The following ZNF518A variants were observed in gnomAD, a reference collection of about 807,000 sequenced individuals.
ZNF518A encodes the protein zinc finger protein 518.
ZNF518A carries 47 observed loss-of-function variants against 102.7 expected under a neutral mutation model. That is an observed-to-expected ratio of 0.46 (90% CI 0.36 to 0.58). The LOEUF (loss-of-function observed/expected upper bound fraction) is 0.58. Ranked by LOEUF, ZNF518A falls within the 20% of genes least tolerant of loss-of-function variation. The probability of loss-of-function intolerance (pLI) is 0.00; values close to 1 mark genes in which losing one functional copy is unlikely to be tolerated. For synonymous variants in ZNF518A, 652 were observed against 594.6 expected (o/e 1.10, Z -1.40); for missense variants, 1,793 against 1,699.8 (o/e 1.05, Z -0.96).
chr10:96,200,952 A>G lies in ZNF518A; in HGVS notation n.36-2622A>G, dbSNP rs1018374824. ...TCTTTCCTGCAGTTTCCTGGTAACA[A>G]TTTAGTGACATCAAGAGTTCATTTC... On this transcript the variant is annotated intron_variant and non_coding_transcript_variant, in intron 1 of 2. Coordinates refer to the ZNF518A transcript ENST00000442635. The surrounding 1 kb of genome is among the most constrained non-coding windows in gnomAD (Gnocchi z 4.3). The G allele has an allele frequency of 1.3e-6, 2 of 1,596,086 alleles. No individual in the cohort carries two copies. Among genetic ancestry groups the G allele is most frequent in the African/African-American group, 1.3e-5 (1 of 74,620 alleles).
intron 3 of ZNF518A, chr10:96,151,623 T>A (rs781871562): frequency 1.3e-5 from 2 of 152,224 alleles, no homozygotes; most frequent in Non-Finnish European, 2.9e-5. Context: ...TACTTGGGCA[T>A]AATGGGCAGA....
At chr10:96,179,502 ACT>A (rs1191539817) in intron 1 of ZNF518A, among the ~76,000 whole-genome samples, 1 of 152,130 alleles carries the variant, frequency 6.6e-6, no homozygotes, top group African/African-American at 2.4e-5. Context: ...AAGCAACTGA[ACT>A]CTCATACATT....
At chr10:96,155,740 G>T (rs1554881949) in intron 4 of ZNF518A, 184 bp from the exon 5 acceptor site, 4 of 152,168 alleles carry the variant, frequency 2.6e-5, no homozygotes, top group Non-Finnish European at 1.5e-5. Flanking sequence ...GATTCTCACA[G>T]GGAATAGCTA....
rs1229773785 is a variant in ZNF518A at position 96,192,021 on chromosome 10, A to C, written n.36-11553A>C. 8 of 1,613,684 alleles carry C rather than the reference A, an allele frequency of 5.0e-6. No homozygotes were observed. The highest frequency in any genetic ancestry group is 6.8e-6 in the Non-Finnish European group (8 of 1,179,796). On this transcript the variant is annotated intron_variant and non_coding_transcript_variant, in intron 1 of 2. Transcript: ENST00000442635. ...TCAGTCTGGTGGAATCTTTTGTGTT[A>C]TTCTGACTGTCAATAAGAACCAAAG...
rs113890089 is a variant in ZNF518A, at chr10:96,137,526, T to C, written c.-302+3878T>C. ...CAGTGATCTTCACATTAAGTCTAGT[T>C]AGTCATCTTCTTACTTGACAGAGTT... On this transcript the variant is annotated intron_variant, in intron 3 of 5. Coordinates refer to ENST00000316045, the MANE Select transcript of ZNF518A (RefSeq NM_001330736.2). Among the ~76,000 whole-genome samples the C allele has an allele frequency of 5.6e-3, 859 of 152,336 alleles. 8 individuals are homozygous for C. Among genetic ancestry groups the C allele is most frequent in the African/African-American group, 0.019 (791 of 41,574 alleles).
chr10:96,201,451 A>G (rs1399312123), intron 1 of ZNF518A, among the ~76,000 whole-genome samples: 7 of 152,218 alleles, frequency 4.6e-5, no homozygotes, highest in Admixed American at 2.6e-4. Context: ...TGTTTGGAAA[A>G]TATAGTTATT....
chr10:96,176,599 A>G (rs2083205879), intron 1 of ZNF518A, among the ~76,000 whole-genome samples: 1 of 152,190 alleles, frequency 6.6e-6, no homozygotes, highest in Non-Finnish European at 1.5e-5. Flanking sequence ...CCTTGTTTCT[A>G]CAAAAAAACA....
chr10:96,147,570 A>G (rs1415051822), intron 3 of ZNF518A, among the ~76,000 whole-genome samples: 1 of 152,156 alleles, frequency 6.6e-6, no homozygotes. Flanking sequence ...TTTTACCCTT[A>G]TACCTAGACC....
intron 3 of ZNF518A, among the ~76,000 whole-genome samples, chr10:96,152,801 C>T (rs1554880847): frequency 6.6e-6 from 1 of 152,166 alleles, no homozygotes; most frequent in Non-Finnish European, 1.5e-5. Flanking sequence ...AGAAAAGATG[C>T]AGCAAAATTA....
chr10:96,132,230 C>T (rs1432870453), intron 1 of ZNF518A, among the ~76,000 whole-genome samples: 1 of 151,324 alleles, frequency 6.6e-6, no homozygotes, highest in East Asian at 1.9e-4. Flanking sequence ...GTTTTCATGG[C>T]ATATTAGATA....
rs782116865 is a variant in ZNF518A, at chr10:96,157,873, A to G, written c.1551A>G (p.Ser517=). The G allele has an allele frequency of 9.9e-6, 16 of 1,613,806 alleles. No individual in the cohort carries two copies. The South Asian group carries it at 1.2e-4, about 12-fold the overall frequency. The change falls in exon 6 of 6, where the codon TCA becomes TCG. Residue 517 remains serine, a synonymous_variant. Coordinates refer to ENST00000316045, the MANE Select transcript of ZNF518A (RefSeq NM_001330736.2). The stretch of plus-strand genomic sequence containing the variant: ...AAGCAGCTACTCCATTTTCATGTTC[A>G]TCTTCTATACTTTCAGGGAAAGCAA... ...YMKAATPFSC[S]SSILSGKASS... is the part of the protein sequence containing the mutation.
At chr10:96,169,345 G>A (rs1270011546) in intron 1 of ZNF518A, among the ~76,000 whole-genome samples, 3 of 152,066 alleles carry the variant, frequency 2.0e-5, no homozygotes, top group Non-Finnish European at 4.4e-5. Flanking sequence ...CGTCTTTCAG[G>A]CTCTGTTCGT....
intron 1 of ZNF518A, among the ~76,000 whole-genome samples, chr10:96,202,271 C>T (rs962873929): frequency 6.6e-6 from 1 of 152,100 alleles, no homozygotes; most frequent in Non-Finnish European, 1.5e-5. Flanking sequence ...TATGTTTTAA[C>T]AGGGTCATTC....
At chr10:96,137,280 T>C (rs781986194) in intron 3 of ZNF518A, among the ~76,000 whole-genome samples, 14 of 152,358 alleles carry the variant, frequency 9.2e-5, no homozygotes, top group African/African-American at 3.4e-4. Context: ...TTATTTTTAC[T>C]AGATCATTTT....
intron 1 of ZNF518A, among the ~76,000 whole-genome samples, chr10:96,179,389 A>G (rs1288186266): frequency 6.6e-6 from 1 of 152,214 alleles, no homozygotes; most frequent in Non-Finnish European, 1.5e-5. Flanking sequence ...AGTATCATTA[A>G]TCATCAAAAA....
At chr10:96,175,941 T>C (rs2083202418) in intron 1 of ZNF518A, among the ~76,000 whole-genome samples, 1 of 143,460 alleles carries the variant, frequency 7.0e-6, no homozygotes, top group African/African-American at 2.5e-5. Flanking sequence ...CTTCCTTTCT[T>C]TCCTCCTTCC....
intron 3 of ZNF518A, among the ~76,000 whole-genome samples, chr10:96,141,430 C>A (rs1384229266): frequency 6.6e-6 from 1 of 152,042 alleles, no homozygotes; most frequent in Non-Finnish European, 1.5e-5. Flanking sequence ...TGCCTGGTGA[C>A]CGAAAACTAT....
chr10:96,157,027 G>A lies in ZNF518A; in HGVS notation c.705G>A (p.Lys235=), dbSNP rs1392011830. The change falls in exon 6 of 6, where the codon AAG becomes AAA. Residue 235 remains lysine, a synonymous_variant. Transcript: ENST00000316045. ...HIHRHNEIHY[K]CGKCHHVCFT... is the part of the protein sequence containing the mutation. ...ATAGACATAATGAAATTCATTATAA[G>A]TGTGGTAAATGTCATCATGTATGTT... 5.0e-6 allele frequency: 8 copies of A among 1,613,688 alleles called. No individual in the cohort carries two copies. The highest frequency in any genetic ancestry group is 1.3e-5 in the African/African-American group (1 of 74,930).
At chr10:96,179,441 G>C (rs1416139112) in intron 1 of ZNF518A, among the ~76,000 whole-genome samples, 1 of 152,130 alleles carries the variant, frequency 6.6e-6, no homozygotes, top group Admixed American at 6.5e-5. Context: ...TACACAGCTA[G>C]TAGAATGGCT....
Sources: allele counts gnomAD v4.1 joint callset (sites outside exome capture counted in the v4.1 genomes callset), GRCh38; gene constraint gnomAD v4.1.1; non-coding constraint Gnocchi (gnomAD v3.1); transcripts MANE v1.5; gene names NCBI Gene and HGNC (gene_info 2026-07-23, HGNC 2026-07-21).